SNTG2: variants seen among roughly 807,000 people sequenced by gnomAD.
SNTG2 encodes gamma-2-syntrophin.
Under a neutral mutation model 70.9 loss-of-function variants are expected in SNTG2, and 74 were observed. The observed-to-expected ratio is 1.04, with a 90% CI of 0.86 to 1.27. The LOEUF is 1.27. SNTG2 is among the 50% of genes most tolerant of loss of function. The pLI, the probability that SNTG2 is intolerant of heterozygous loss-of-function variation, is 0.00. For synonymous variants in SNTG2, 278 were observed against 273.8 expected, an observed-to-expected ratio of 1.02 and a Z score of -0.15; for missense variants, 717 against 690.7, an observed-to-expected ratio of 1.04 and a Z score of -0.43.
chr2:1,318,573 A>AAGG (rs1458645345), intron 16 of SNTG2, among the ~76,000 whole-genome samples: 5 of 152,366 alleles, frequency 3.3e-5, no homozygotes. Context: ...CTGAGCAGGC[A>AAGG]AGGCGCTGAC....
intron 16 of SNTG2, among the ~76,000 whole-genome samples, chr2:1,333,247 G>A (rs986527335): frequency 6.6e-5 from 10 of 152,232 alleles, no homozygotes; most frequent in African/African-American, 2.4e-4. Context: ...TAACCAAGGA[G>A]GTGAAAAATC....
At chr2:1,331,508 T>TTTA (rs1491537203) in intron 16 of SNTG2, among the ~76,000 whole-genome samples, 2 of 152,194 alleles carry the variant, frequency 1.3e-5, no homozygotes, top group African/African-American at 4.8e-5. Context: ...ATCCCTTGAC[T>TTTA]TTATTCTTTC....
intron 1 of SNTG2, among the ~76,000 whole-genome samples, chr2:1,011,479 A>C (rs1051608247): frequency 6.6e-6 from 1 of 152,204 alleles, no homozygotes; most frequent in Non-Finnish European, 1.5e-5. Context: ...ACAATCTTTG[A>C]TGAATGAGCC....
chr2:1,026,172 G>C (rs1660470363), intron 1 of SNTG2, among the ~76,000 whole-genome samples: 1 of 152,168 alleles, frequency 6.6e-6, no homozygotes, highest in Non-Finnish European at 1.5e-5. Flanking sequence ...GTTTGTTGTT[G>C]TTGTTGATTT....
In SNTG2 at chr2:1,239,643, G is replaced by A. The variant is rs1676918552; in HGVS notation, c.850-95G>A. On this transcript the variant is annotated intron_variant, in intron 10 of 16. Transcript: ENST00000308624. ...TGTCATTAAAGAGGCCTGTTTCCCA[G>A]GACAGAGCGTGGCTGATGACTTCCA... 19 of 1,341,476 alleles carry A rather than the reference G, an allele frequency of 1.4e-5. No individual in the cohort carries two copies. In the East Asian group the frequency reaches 4.3e-4, roughly 30 times the overall value. 83.1% of individuals were successfully genotyped at this position (1,341,476 alleles called of 1,614,324 possible).
intron 12 of SNTG2, among the ~76,000 whole-genome samples, chr2:1,258,903 A>C (rs1444995673): frequency 6.6e-6 from 1 of 152,180 alleles, no homozygotes; most frequent in Non-Finnish European, 1.5e-5. Context: ...AACTAAGTTT[A>C]GTTCTAAAAA....
intron 2 of SNTG2, among the ~76,000 whole-genome samples, chr2:1,090,395 C>G (rs1354300791): frequency 6.6e-6 from 1 of 152,208 alleles, no homozygotes; most frequent in Non-Finnish European, 1.5e-5. Flanking sequence ...TTGTTACCAG[C>G]TGTGAATCCA....
intron 1 of SNTG2, among the ~76,000 whole-genome samples, chr2:1,057,895 G>C (rs1389251931): frequency 6.6e-6 from 1 of 152,092 alleles, no homozygotes; most frequent in African/African-American, 2.4e-5. Context: ...AAAAAAATTA[G>C]GTGGCATGGT....
At chr2:1,266,691 C>T (rs542967849) in intron 13 of SNTG2, among the ~76,000 whole-genome samples, 2 of 150,126 alleles carry the variant, frequency 1.3e-5, no homozygotes, top group Non-Finnish European at 3.0e-5. Flanking sequence ...GTGGTATTTT[C>T]AGTGTTTTCT....
chr2:1,299,879 A>G (rs1272564773), intron 14 of SNTG2, among the ~76,000 whole-genome samples: 1 of 152,234 alleles, frequency 6.6e-6, no homozygotes, highest in East Asian at 1.9e-4. Flanking sequence ...AACGTAAGGC[A>G]CTTAGCCTAG....
rs946304462 is a variant in SNTG2, at chr2:988,661, C to T, written c.72+37593C>T. 5.5e-4 allele frequency among the ~76,000 whole-genome samples: 84 copies of T among 152,026 alleles called. 1 individual carries two copies. The highest frequency in any genetic ancestry group is 2.1e-3 in the South Asian group (10 of 4,822). The stretch of plus-strand genomic sequence containing the variant: ...GACGCTATAGACACGATTTCCATTG[C>T]TCTTGGGTTAAGCTCCCAGGAGTGT... On this transcript the variant is annotated intron_variant, in intron 1 of 16. Coordinates refer to ENST00000308624, the MANE Select transcript of SNTG2 (RefSeq NM_018968.4).
chr2:1,361,879 C>T (rs72490794), intron 16 of SNTG2, among the ~76,000 whole-genome samples: 561 of 23,440 alleles, frequency 0.024, 12 homozygotes, highest in East Asian at 0.073. Context: ...AAGTCACCAA[C>T]GCTGAGCATT....
intron 7 of SNTG2, among the ~76,000 whole-genome samples, chr2:1,170,763 T>G (rs1288789001): frequency 6.6e-6 from 1 of 152,112 alleles, no homozygotes; most frequent in African/African-American, 2.4e-5. Flanking sequence ...CTGATGGGCA[T>G]TTGTCTTGCT....
At chr2:1,290,756 C>G (rs920039340) in intron 14 of SNTG2, among the ~76,000 whole-genome samples, 1 of 152,198 alleles carries the variant, frequency 6.6e-6, no homozygotes, top group Non-Finnish European at 1.5e-5. Flanking sequence ...GTGGGAAATG[C>G]AATACATCAG....
At chr2:1,265,802 G>T (rs952896308) in intron 13 of SNTG2, among the ~76,000 whole-genome samples, 1 of 152,216 alleles carries the variant, frequency 6.6e-6, no homozygotes, top group African/African-American at 2.4e-5. Flanking sequence ...CCCAGCAGGT[G>T]GGCAGCTCCC....
chr2:1,064,230 G>C (rs1283532394), intron 1 of SNTG2, among the ~76,000 whole-genome samples: 1 of 151,916 alleles, frequency 6.6e-6, no homozygotes, highest in African/African-American at 2.4e-5. Context: ...CATTCAAACA[G>C]AAGTAAAATA....
chr2:987,724 A>G (rs1001307013), intron 1 of SNTG2, among the ~76,000 whole-genome samples: 14 of 152,102 alleles, frequency 9.2e-5, no homozygotes, highest in Non-Finnish European at 2.1e-4. Flanking sequence ...CTAGGAAACC[A>G]AGGGGAGGCT....
At position 1,200,545 on chromosome 2, in the gene SNTG2, C is replaced by G. The variant is rs76486965; in HGVS notation, c.592-8558C>G. On this transcript the variant is annotated intron_variant, in intron 8 of 16. Transcript: ENST00000308624. Reference sequence around the variant, plus strand: ...AATGGAACTGTATTAAACTAAAAAGCTTCTGCACAACAAAGGAATAATCAA... The same window carrying G: ...AATGGAACTGTATTAAACTAAAAAGGTTCTGCACAACAAAGGAATAATCAA... Among the ~76,000 whole-genome samples, 586 of 152,080 alleles carry G rather than the reference C, an allele frequency of 3.9e-3. 3 individuals are homozygous for G. The highest frequency in any genetic ancestry group is 0.014 in the African/African-American group (566 of 41,552).
chr2:1,016,383 A>G (rs1184957196), intron 1 of SNTG2, among the ~76,000 whole-genome samples: 1 of 152,194 alleles, frequency 6.6e-6, no homozygotes. Flanking sequence ...CTGAGATTAC[A>G]GGCGCATGCC....
Sources: gnomAD v4.1 joint callset for allele counts (sites outside exome capture counted in the v4.1 genomes callset) on GRCh38, gnomAD v4.1.1 for gene constraint, MANE v1.5 for transcripts, NCBI Gene and HGNC (gene_info 2026-07-23, HGNC 2026-07-21) for gene names.